Variants in AP1G1 observed in about 807,000 individuals in gnomAD.
AP1G1 encodes the protein AP-1 complex subunit gamma-1.
In AP1G1, 7 loss-of-function variants were observed where a neutral mutation model predicts 108.3. The ratio of observed to expected loss-of-function variants is 0.06; its 90% CI spans 0.04 to 0.12. The LOEUF is 0.12. Ranked by LOEUF, AP1G1 falls within the 10% of genes least tolerant of loss-of-function variation. The pLI, the probability that AP1G1 is intolerant of heterozygous loss-of-function variation, is 1.00. For synonymous variants in AP1G1, 379 were observed against 353.5 expected, an observed-to-expected ratio of 1.07 and a Z score of -0.81; for missense variants, 756 against 1,010.7, an observed-to-expected ratio of 0.75 and a Z score of 3.42.
chr16:71,801,639 T>C (rs1361341823), intron 1 of AP1G1, among the ~76,000 whole-genome samples: 1 of 151,854 alleles, frequency 6.6e-6, no homozygotes, highest in Non-Finnish European at 1.5e-5. Context: ...AGAAATGCTC[T>C]TCAAGGCCGG....
intron 1 of AP1G1, among the ~76,000 whole-genome samples, chr16:71,792,526 C>CCAAG (rs1393332963): frequency 1.3e-5 from 2 of 152,108 alleles, no homozygotes; most frequent in Admixed American, 1.3e-4. Flanking sequence ...ACCACAGGAA[C>CCAAG]CAAGCATTGG....
At chr16:71,741,725 TATTC>T (rs1203502419) in intron 19 of AP1G1, among the ~76,000 whole-genome samples, 1 of 152,162 alleles carries the variant, frequency 6.6e-6, no homozygotes, top group Non-Finnish European at 1.5e-5. Flanking sequence ...GACAAAGAAA[TATTC>T]ATACAGTTCT....
In AP1G1 at chr16:71,731,567, C is replaced by G. The variant is rs1241653155; in HGVS notation, c.*1491G>C. On this transcript the variant is annotated 3_prime_UTR_variant, in exon 23 of 23. Transcript: ENST00000299980. ...TTCTTCAGTATATAAGACATGGCGC[C>G]TGAATACTTGAACATACATAGTACA... 2 of 152,544 alleles carry G rather than the reference C, an allele frequency of 1.3e-5. No individual in the cohort carries two copies. The highest frequency in any genetic ancestry group is 4.1e-4 in the South Asian group (2 of 4,826). The allele number at this position is 152,544 out of a possible 1,614,324, so 9.4% of individuals were successfully genotyped here.
At chr16:71,798,548 T>C (rs1232894801) in intron 1 of AP1G1, among the ~76,000 whole-genome samples, 1 of 151,554 alleles carries the variant, frequency 6.6e-6, no homozygotes, top group African/African-American at 2.4e-5. Flanking sequence ...AAGAGGGATA[T>C]ATATAATTAC....
chr16:71,785,123 T>C (rs375929876), intron 2 of AP1G1, among the ~76,000 whole-genome samples: 2 of 152,022 alleles, frequency 1.3e-5, no homozygotes, highest in African/African-American at 4.8e-5. Flanking sequence ...CAGTATGTAC[T>C]TTACACTTAC....
intron 5 of AP1G1, among the ~76,000 whole-genome samples, chr16:71,770,486 A>G (rs747982518): frequency 2.0e-5 from 3 of 152,206 alleles, no homozygotes; most frequent in South Asian, 2.1e-4. Context: ...AATTCTCACA[A>G]TTTTTGAGTC....
intron 6 of AP1G1, among the ~76,000 whole-genome samples, chr16:71,768,941 G>A (rs796601550): frequency 0.027 from 806 of 29,718 alleles, no homozygotes; most frequent in Middle Eastern, 0.13. Flanking sequence ...AAAAAAAAAA[G>A]AAAAGAAAAG....
At chr16:71,788,425 G>C (rs2032285050) in intron 2 of AP1G1, among the ~76,000 whole-genome samples, 1 of 152,000 alleles carries the variant, frequency 6.6e-6, no homozygotes, top group Non-Finnish European at 1.5e-5. Context: ...TTATCATTGA[G>C]ACTATCATTC....
chr16:71,803,481 G>C (rs2032881505), intron 1 of AP1G1, among the ~76,000 whole-genome samples: 1 of 152,044 alleles, frequency 6.6e-6, no homozygotes, highest in African/African-American at 2.4e-5. Context: ...TAAAGTGTTA[G>C]TTAATGCTGA....
chr16:71,768,998 A>AAAC (rs1555554387), intron 6 of AP1G1, among the ~76,000 whole-genome samples: 4 of 140,238 alleles, frequency 2.9e-5, no homozygotes, highest in Non-Finnish European at 4.7e-5. Flanking sequence ...AAAAAAAAAA[A>AAAC]CAGGCCAGGA....
At chr16:71,791,142 G>C (rs1236885292) in intron 1 of AP1G1, among the ~76,000 whole-genome samples, 1 of 151,406 alleles carries the variant, frequency 6.6e-6, no homozygotes, top group Non-Finnish European at 1.5e-5. Context: ...GATTGCTTGA[G>C]CCTGGGAGGC....
At chr16:71,789,756 A>G (rs2032329771) in intron 1 of AP1G1, among the ~76,000 whole-genome samples, 1 of 152,248 alleles carries the variant, frequency 6.6e-6, no homozygotes. Flanking sequence ...TGTAAAGTCT[A>G]TCACTAATAT....
rs2031889981 is a variant in AP1G1 at position 71,778,811 on chromosome 16, G to GT, written c.202-4220dup. 2.0e-5 allele frequency among the ~76,000 whole-genome samples: 3 copies of GT among 152,108 alleles called. No individual in the cohort carries two copies. The South Asian group carries it at 6.2e-4, about 32-fold the overall frequency. On this transcript the variant is annotated intron_variant, in intron 2 of 22. Coordinates refer to ENST00000299980, the MANE Select transcript of AP1G1 (RefSeq NM_001128.6). ...AGATGCACACAAAAGGAGGGCATCC[G>GT]TTTTTCCGCAGCAATCTCCAAATCT... is the stretch of plus-strand genomic sequence containing the variant.
At chr16:71,771,427 T>C (rs982142952) in intron 4 of AP1G1, among the ~76,000 whole-genome samples, 175 bp from the exon 5 acceptor site, 21 of 152,160 alleles carry the variant, frequency 1.4e-4, no homozygotes, top group Admixed American at 3.3e-4. Flanking sequence ...AGCCCACTCC[T>C]ATAATCCAGC....
chr16:71,800,944 G>C (rs1362991392), intron 1 of AP1G1, among the ~76,000 whole-genome samples: 1 of 152,188 alleles, frequency 6.6e-6, no homozygotes, highest in Non-Finnish European at 1.5e-5. Context: ...GCGGTGAGCT[G>C]AGATCACGCC....
intron 19 of AP1G1, among the ~76,000 whole-genome samples, chr16:71,740,623 T>C (rs2045607433): frequency 6.6e-6 from 1 of 152,190 alleles, no homozygotes; most frequent in Non-Finnish European, 1.5e-5. Context: ...CATAACTCAT[T>C]CTCACAATTA....
At chr16:71,808,226 A>C in intron 1 of AP1G1, 1 of 1,094,406 alleles carries the variant, frequency 9.1e-7, no homozygotes, top group Non-Finnish European at 1.1e-6. Context: ...ACACACACGA[A>C]AAATTGGGAA....
At position 71,756,917 on chromosome 16, in the gene AP1G1, T is replaced by TGA. The variant is rs1281740119; in HGVS notation, c.1089-760_1089-759dup. Among the ~76,000 whole-genome samples the TGA allele has an allele frequency of 4.1e-5, 5 of 121,676 alleles. No homozygotes were observed. The East Asian group carries it at 1.1e-3, about 28-fold the overall frequency. 79.8% of individuals were successfully genotyped at this position (121,676 alleles called of 152,430 possible). On this transcript the variant is annotated intron_variant, in intron 11 of 22. Transcript: ENST00000299980. The stretch of plus-strand genomic sequence containing the variant: ...AGGCACTCCAGCCTCGGAAACAGAG[T>TGA]GAGACTCTGTCTCAAAAAAAAAAAA...
intron 1 of AP1G1, among the ~76,000 whole-genome samples, chr16:71,801,279 CA>C (rs200168168): frequency 7.3e-6 from 1 of 136,162 alleles, no homozygotes. Flanking sequence ...GACTCCATCT[CA>C]AAAAAAACAA....
Sources: allele counts gnomAD v4.1 joint callset (sites outside exome capture counted in the v4.1 genomes callset), GRCh38; gene constraint gnomAD v4.1.1; transcripts MANE v1.5; gene names NCBI Gene and HGNC (gene_info 2026-07-23, HGNC 2026-07-21).